Variants in GADL1 observed in about 807,000 individuals in gnomAD.
GADL1 encodes the protein GAD like acidic amino acid decarboxylase 1.
In GADL1, 71 loss-of-function variants were observed where a neutral mutation model predicts 69.5. The ratio of observed to expected loss-of-function variants is 1.02; its 90% CI spans 0.84 to 1.25. The LOEUF (loss-of-function observed/expected upper bound fraction) is 1.25. Among genes scored for constraint, GADL1 ranks in the 50% most tolerant of loss-of-function variants. The probability of loss-of-function intolerance (pLI) is 0.00; values close to 1 mark genes in which losing one functional copy is unlikely to be tolerated. For missense variants in GADL1, 737 were observed against 631.8 expected, an observed-to-expected ratio of 1.17 and a Z score of -1.79; for synonymous variants, 254 against 214.4, an observed-to-expected ratio of 1.18 and a Z score of -1.62.
In GADL1 at chr3:30,850,026, C is replaced by A. The variant is rs766955427; in HGVS notation, c.621G>T (p.Ser207=). Residue 207 remains serine (S), a synonymous_variant, in exon 6 of 15, where the codon TCG becomes TCT. Coordinates refer to ENST00000282538, the MANE Select transcript of GADL1 (RefSeq NM_207359.3). Reference sequence around the variant, plus strand: ...CAGATGTGAAAAGGATTAATCTTGGCGAACCAGACAGCCCCTTTTCCTTAA... The same window carrying A: ...CAGATGTGAAAAGGATTAATCTTGGAGAACCAGACAGCCCCTTTTCCTTAA... ...PDIKEKGLSG[S]PRLILFTSAE... The A allele has an allele frequency of 1.2e-5, 19 of 1,606,872 alleles. 1 individual carries two copies. In the South Asian group the frequency reaches 2.0e-4, roughly 17 times the overall value.
At chr3:30,793,312 G>A (rs1178096368) in intron 12 of GADL1, among the ~76,000 whole-genome samples, 2 of 152,084 alleles carry the variant, frequency 1.3e-5, no homozygotes, top group African/African-American at 4.8e-5. Flanking sequence ...CTCTGCTTAT[G>A]TTTCTAGGGA....
intron 12 of GADL1, among the ~76,000 whole-genome samples, chr3:30,793,404 T>C (rs1696962706): frequency 1.3e-5 from 2 of 151,780 alleles, no homozygotes; most frequent in African/African-American, 4.8e-5. Flanking sequence ...ATCTTATACA[T>C]GGTGCAAGCC....
At position 30,871,491 on chromosome 3, in the gene GADL1, T is replaced by C. The variant is rs560738582; in HGVS notation, c.38-9726A>G. 1.5e-4 allele frequency among the ~76,000 whole-genome samples: 23 copies of C among 151,888 alleles called. 1 individual carries two copies. The highest frequency in any genetic ancestry group is 5.3e-4 in the African/African-American group (22 of 41,378). On this transcript the variant is annotated intron_variant, in intron 1 of 14. Transcript: ENST00000282538. Reference sequence around the variant, plus strand: ...TTGTAAAGAGTTCTACAACTGTCAATGGATAGACAGCTTTTCTCTCCTCCA... The same window carrying C: ...TTGTAAAGAGTTCTACAACTGTCAACGGATAGACAGCTTTTCTCTCCTCCA...
At chr3:30,789,399 G>A (rs1183251438) in intron 12 of GADL1, among the ~76,000 whole-genome samples, 1 of 152,188 alleles carries the variant, frequency 6.6e-6, no homozygotes, top group Admixed American at 6.5e-5. Context: ...CACAGGCTTT[G>A]TTCCACTTAG....
At chr3:30,890,363 C>T (rs1266409072) in intron 1 of GADL1, among the ~76,000 whole-genome samples, 2 of 152,056 alleles carry the variant, frequency 1.3e-5, no homozygotes, top group South Asian at 2.1e-4. Flanking sequence ...GTGTTCCATA[C>T]CCTCATAGAC....
intron 1 of GADL1, 32 bp from the exon 2 acceptor site, chr3:30,861,797 G>C: frequency 6.8e-7 from 1 of 1,469,580 alleles, no homozygotes; most frequent in South Asian, 1.3e-5. Context: ...GTGTTTGAGA[G>C]ATAATCTAAT....
intron 14 of GADL1, among the ~76,000 whole-genome samples, chr3:30,743,554 T>C (rs937293599): frequency 6.6e-6 from 1 of 152,128 alleles, no homozygotes; most frequent in African/African-American, 2.4e-5. Context: ...AGTGGGTTGC[T>C]AGAACAAAAC....
At chr3:30,772,474 T>C (rs1001599621) in intron 14 of GADL1, among the ~76,000 whole-genome samples, 1 of 152,228 alleles carries the variant, frequency 6.6e-6, no homozygotes, top group African/African-American at 2.4e-5. Flanking sequence ...TTTCCCATCT[T>C]ATCTTTGCAT....
At chr3:30,785,486 A>G (rs555512506) in intron 13 of GADL1, among the ~76,000 whole-genome samples, 44 of 151,394 alleles carry the variant, frequency 2.9e-4, no homozygotes, top group African/African-American at 1.1e-3. Flanking sequence ...GGTTTAAGCA[A>G]TTCTCCTGCC....
chr3:30,827,945 T>A (rs542600741), intron 11 of GADL1, among the ~76,000 whole-genome samples: 10 of 151,832 alleles, frequency 6.6e-5, no homozygotes, highest in African/African-American at 2.4e-4. Flanking sequence ...TACCTTCCCC[T>A]TTTTCTGCTA....
intron 1 of GADL1, among the ~76,000 whole-genome samples, chr3:30,888,936 T>C (rs1698746716): frequency 6.6e-6 from 1 of 151,784 alleles, no homozygotes; most frequent in Admixed American, 6.6e-5. Flanking sequence ...GAACCAACAG[T>C]AAAATTTTTG....
At chr3:30,881,230 A>C (rs1205175445) in intron 1 of GADL1, among the ~76,000 whole-genome samples, 4 of 152,000 alleles carry the variant, frequency 2.6e-5, no homozygotes, top group African/African-American at 4.8e-5. Flanking sequence ...TTTCATTTAC[A>C]TACACTTTGT....
At chr3:30,734,848 T>A (rs1399156921) in intron 14 of GADL1, among the ~76,000 whole-genome samples, 2 of 152,172 alleles carry the variant, frequency 1.3e-5, no homozygotes, top group Non-Finnish European at 2.9e-5. Flanking sequence ...ATTTTGATTA[T>A]CTTTCATCAT....
chr3:30,789,446 G>A (rs977440157), intron 12 of GADL1, among the ~76,000 whole-genome samples: 2 of 152,190 alleles, frequency 1.3e-5, no homozygotes, highest in African/African-American at 2.4e-5. Flanking sequence ...AATCTGAAGA[G>A]TCTTAGAATT....
At chr3:30,777,840 C>T (rs1696571371) in intron 14 of GADL1, among the ~76,000 whole-genome samples, 1 of 152,062 alleles carries the variant, frequency 6.6e-6, no homozygotes, top group African/African-American at 2.4e-5. Context: ...GGTGGTACAA[C>T]AGTCAGAGAT....
In GADL1 at chr3:30,839,062, C is replaced by T. The variant is rs769052065; in HGVS notation, c.838G>A (p.Ala280Thr). The change falls in exon 9 of 15, where the codon GCT becomes ACT. Residue 280 changes from alanine (A) to threonine (T), a missense_variant. Ala to Thr is a moderately conservative substitution (Grantham distance 58). Coordinates refer to ENST00000282538, the MANE Select transcript of GADL1 (RefSeq NM_207359.3). The part of the protein sequence containing the change: ...CATSGTTVLG[A>T]FDPLDEIADI... ...GCTATTTCATCCAGAGGGTCAAAAGCTCCCAACACAGTTGTACCAGAAGTG... is the reference window on the plus strand; with the variant it reads ...GCTATTTCATCCAGAGGGTCAAAAGTTCCCAACACAGTTGTACCAGAAGTG... The T allele has an allele frequency of 2.5e-6, 4 of 1,607,568 alleles. No homozygotes were observed. In the East Asian group the frequency reaches 6.7e-5, roughly 27 times the overall value.
At chr3:30,888,637 A>G (rs1698740753) in intron 1 of GADL1, among the ~76,000 whole-genome samples, 1 of 152,164 alleles carries the variant, frequency 6.6e-6, no homozygotes, top group Non-Finnish European at 1.5e-5. Flanking sequence ...AGGACTTCTC[A>G]TTAGAACTTC....
At chr3:30,861,859 A>G in intron 1 of GADL1, 94 bp from the exon 2 acceptor site, 1 of 718,430 alleles carries the variant, frequency 1.4e-6, no homozygotes, top group Non-Finnish European at 2.2e-6. Context: ...CCAGCTTCAG[A>G]TGGCACATCT....
intron 6 of GADL1, among the ~76,000 whole-genome samples, chr3:30,844,920 T>A (rs1698029832): frequency 6.6e-6 from 1 of 152,144 alleles, no homozygotes; most frequent in Non-Finnish European, 1.5e-5. Flanking sequence ...CTCATAAGAC[T>A]TAGTATTAAT....
Sources: gnomAD v4.1 joint callset for allele counts (sites outside exome capture counted in the v4.1 genomes callset) on GRCh38, gnomAD v4.1.1 for gene constraint, MANE v1.5 for transcripts, NCBI Gene and HGNC (gene_info 2026-07-23, HGNC 2026-07-21) for gene names.